Variants in PALS2 observed in about 807,000 individuals in gnomAD.
PALS2 encodes the protein protein associated with LIN7 2, MAGUK p55 family member.
In PALS2, 27 loss-of-function variants were observed where a neutral mutation model predicts 61.6. That is an observed-to-expected ratio of 0.44 (90% CI 0.32 to 0.60). The LOEUF (loss-of-function observed/expected upper bound fraction) is 0.60. Ranked by LOEUF, PALS2 falls within the 20% of genes least tolerant of loss-of-function variation. The pLI, the probability that PALS2 is intolerant of heterozygous loss-of-function variation, is 0.05. For missense variants in PALS2, 554 were observed against 639.4 expected (o/e 0.87, Z 1.44); for synonymous variants, 236 against 218.6 (o/e 1.08, Z -0.70).
At chr7:24,590,822 G>A (rs996102814) in intron 1 of PALS2, among the ~76,000 whole-genome samples, 23 of 149,724 alleles carry the variant, frequency 1.5e-4, no homozygotes, top group African/African-American at 5.6e-4. Flanking sequence ...CTTCATATTG[G>A]CTCACAGGGA....
chr7:24,648,023 G>A lies in PALS2; in HGVS notation c.271-1589G>A, dbSNP rs180842203. Among the ~76,000 whole-genome samples the A allele has an allele frequency of 3.6e-3, 546 of 152,248 alleles. 1 individual carries two copies. The highest frequency in any genetic ancestry group is 6.4e-3 in the Non-Finnish European group (432 of 68,006). ...ATAGGGTGGAAAACTAAGCAGCGCA[G>A]GTTAGCAACTTCCAGCATTTATAGG... is the stretch of plus-strand genomic sequence containing the variant. On this transcript the variant is annotated intron_variant, in intron 3 of 11. Coordinates refer to ENST00000222644, the MANE Select transcript of PALS2 (RefSeq NM_001303037.2).
chr7:24,606,151 T>C (rs985427082), intron 1 of PALS2, among the ~76,000 whole-genome samples: 1 of 152,196 alleles, frequency 6.6e-6, no homozygotes, highest in Non-Finnish European at 1.5e-5. Flanking sequence ...GCATTTCAAG[T>C]TACAAGATTT....
intron 1 of PALS2, among the ~76,000 whole-genome samples, chr7:24,584,693 T>G (rs1035934819): frequency 1.3e-5 from 2 of 152,118 alleles, no homozygotes; most frequent in African/African-American, 4.8e-5. Context: ...AATTTTGTCT[T>G]TTGTTGCCAT....
intron 1 of PALS2, among the ~76,000 whole-genome samples, chr7:24,577,841 T>G (rs76413269): frequency 0.056 from 8,546 of 152,302 alleles, 326 homozygotes; most frequent in African/African-American, 0.1. Context: ...AAAAATTTCT[T>G]CAAACCATTT....
Position 24,626,626 on chromosome 7 carries a change from G to A in PALS2, c.117+2842G>A, listed in dbSNP as rs561381871. ...AGACCCACCAGTCTGCTGTATTCAG[G>A]AGACACATCTCATGTGCAGTGACAC... On this transcript the variant is annotated intron_variant, in intron 2 of 11. Coordinates refer to ENST00000222644, the MANE Select transcript of PALS2 (RefSeq NM_001303037.2). Among the ~76,000 whole-genome samples the A allele has an allele frequency of 2.0e-5, 3 of 152,188 alleles. No individual in the cohort carries two copies. The South Asian group carries it at 6.2e-4, about 32-fold the overall frequency.
chr7:24,677,382 G>T (rs1025831664), intron 9 of PALS2, among the ~76,000 whole-genome samples: 5 of 151,898 alleles, frequency 3.3e-5, no homozygotes, highest in Admixed American at 3.3e-4. Flanking sequence ...TTGCCTAATT[G>T]CCCTGGCCAG....
chr7:24,636,608 A>G (rs1251992561), intron 2 of PALS2, among the ~76,000 whole-genome samples: 1 of 152,222 alleles, frequency 6.6e-6, no homozygotes, highest in Non-Finnish European at 1.5e-5. Context: ...TATACTATGT[A>G]TATACATGCA....
In PALS2 at chr7:24,623,759, A is replaced by C; in HGVS notation, c.92A>C (p.Asn31Thr). 1 of 1,586,992 alleles carries C rather than the reference A, an allele frequency of 6.3e-7. No individual in the cohort carries two copies. ...ATTTTCCTCAAGGGAATTATGGAGAATCCTATTGTAAAATCACTTGCTAAG... is the reference window on the plus strand; with the variant it reads ...ATTTTCCTCAAGGGAATTATGGAGACTCCTATTGTAAAATCACTTGCTAAG... ...DLIFLKGIMENPIVKSLAKAH... is the reference protein window; with the variant it reads ...DLIFLKGIMETPIVKSLAKAH... The change falls in exon 2 of 12, where the codon AAT becomes ACT. Residue 31 changes from asparagine (N) to threonine (T), a missense_variant. By Grantham distance (65) the Asn-to-Thr change is moderately conservative. Transcript: ENST00000222644.
intron 11 of PALS2, among the ~76,000 whole-genome samples, chr7:24,682,995 T>C (rs542106241): frequency 4.6e-5 from 7 of 152,320 alleles, no homozygotes; most frequent in African/African-American, 1.4e-4. Context: ...TAGGTGGTAC[T>C]TGTTTTATTA....
chr7:24,640,804 C>G (rs367729692), intron 2 of PALS2, among the ~76,000 whole-genome samples: 21 of 151,954 alleles, frequency 1.4e-4, no homozygotes, highest in East Asian at 3.9e-4. Context: ...GTCAGGAGAT[C>G]AAGACCATCC....
chr7:24,609,929 C>G (rs548121242), intron 1 of PALS2, among the ~76,000 whole-genome samples: 1 of 152,230 alleles, frequency 6.6e-6, no homozygotes, highest in South Asian at 2.1e-4. Flanking sequence ...TTAGGAAATT[C>G]AGCTCTACAT....
At chr7:24,662,247 A>G (rs117338021) in intron 5 of PALS2, among the ~76,000 whole-genome samples, 5,938 of 152,282 alleles carry the variant, frequency 0.039, 154 homozygotes, top group Non-Finnish European at 0.058. Context: ...ATTATTTTGT[A>G]TGCATCGATC....
intron 1 of PALS2, among the ~76,000 whole-genome samples, chr7:24,612,995 T>C (rs1475128237): frequency 1.3e-5 from 2 of 151,836 alleles, no homozygotes; most frequent in African/African-American, 4.8e-5. Context: ...GTAAGGTTTT[T>C]TCCATCAGAA....
At chr7:24,668,005 A>G (rs1438483867) in intron 8 of PALS2, among the ~76,000 whole-genome samples, 1 of 151,980 alleles carries the variant, frequency 6.6e-6, no homozygotes, top group Non-Finnish European at 1.5e-5. Context: ...ATGGAACCAG[A>G]TGTTTAAAGC....
chr7:24,661,849 C>CT (rs1786736298), intron 5 of PALS2, among the ~76,000 whole-genome samples: 2 of 152,108 alleles, frequency 1.3e-5, no homozygotes, highest in Non-Finnish European at 2.9e-5. Context: ...AGAGTTTCAT[C>CT]AATATGGAGA....
At chr7:24,680,869 T>C (rs1787889828) in intron 11 of PALS2, among the ~76,000 whole-genome samples, 1 of 152,208 alleles carries the variant, frequency 6.6e-6, no homozygotes. Context: ...GTGCTAGAAC[T>C]ACAGGCGTGA....
At position 24,688,330 on chromosome 7, in the gene PALS2, C is replaced by G. The variant is rs918473420; in HGVS notation, c.*716C>G. The G allele has an allele frequency of 1.3e-5, 2 of 152,132 alleles. No homozygotes were observed. The highest frequency in any genetic ancestry group is 4.8e-5 in the African/African-American group (2 of 41,440). The allele number at this position is 152,132 out of a possible 1,614,324, so 9.4% of individuals were successfully genotyped here. A position where few individuals can be genotyped will look rare whatever the true frequency, so the allele number is the denominator to read the frequency against. The stretch of plus-strand genomic sequence containing the variant: ...TTTTATTTGTTGCAGTGATATGATG[C>G]TAACTAATTTAACATGTACACAGTA... On this transcript the variant is annotated 3_prime_UTR_variant, in exon 12 of 12. Transcript: ENST00000222644.
intron 9 of PALS2, among the ~76,000 whole-genome samples, chr7:24,673,776 T>A (rs1396857617): frequency 6.6e-6 from 1 of 152,108 alleles, no homozygotes; most frequent in African/African-American, 2.4e-5. Flanking sequence ...TTTTTCTACT[T>A]TCTAATTTTT....
intron 5 of PALS2, among the ~76,000 whole-genome samples, chr7:24,655,846 A>G (rs187367067): frequency 5.7e-4 from 87 of 152,064 alleles, no homozygotes; most frequent in Admixed American, 4.8e-3. Flanking sequence ...TGATTTTTAA[A>G]ATAAAATTTT....
Sources: allele counts gnomAD v4.1 joint callset (sites outside exome capture counted in the v4.1 genomes callset), GRCh38; gene constraint gnomAD v4.1.1; transcripts MANE v1.5; gene names NCBI Gene and HGNC (gene_info 2026-07-23, HGNC 2026-07-21).